BLVRA: variants seen among roughly 807,000 people sequenced by gnomAD.
BLVRA encodes the protein biliverdin reductase A, also known as BVR A.
In BLVRA, 22 loss-of-function variants were observed where a neutral mutation model predicts 32.8. The observed-to-expected ratio is 0.67, with a 90% confidence interval of 0.48 to 0.96. The LOEUF is 0.96. Ranked by LOEUF, BLVRA falls within the 40% of genes least tolerant of loss-of-function variation. BLVRA has a pLI of 0.00. For missense variants in BLVRA, 323 were observed against 358.1 expected (o/e 0.90, Z 0.79); for synonymous variants, 119 against 141.3 (o/e 0.84, Z 1.12).
At chr7:43,804,426 G>A (rs2095802002) in intron 7 of BLVRA, among the ~76,000 whole-genome samples, 1 of 150,552 alleles carries the variant, frequency 6.6e-6, no homozygotes, top group African/African-American at 2.4e-5. Context: ...GGGCAACAGA[G>A]CGAGACTCCT....
At chr7:43,768,398 C>T (rs1018181222) in intron 1 of BLVRA, among the ~76,000 whole-genome samples, 3 of 152,180 alleles carry the variant, frequency 2.0e-5, no homozygotes, top group Non-Finnish European at 4.4e-5. Flanking sequence ...GTCAAGGCCT[C>T]TGGCACAGCC....
rs1488614479 is a variant in BLVRA, at chr7:43,771,152, G to A, written c.-7G>A. 1.9e-6 allele frequency: 3 copies of A among 1,614,064 alleles called. No homozygotes were observed. Among genetic ancestry groups the A allele is most frequent in the Non-Finnish European group, 2.5e-6 (3 of 1,179,904 alleles). Reference sequence around the variant, plus strand: ...TGTCTTTACAGTGACCGAAGGAAGAGACCAAGATGAATGCAGAGGTGAGTT... The same window carrying A: ...TGTCTTTACAGTGACCGAAGGAAGAAACCAAGATGAATGCAGAGGTGAGTT... On this transcript the variant is annotated 5_prime_UTR_variant, in exon 2 of 8. Transcript: ENST00000265523.
chr7:43,790,472 A>C (rs2095784445), intron 3 of BLVRA, among the ~76,000 whole-genome samples: 1 of 151,788 alleles, frequency 6.6e-6, no homozygotes, highest in African/African-American at 2.4e-5. Flanking sequence ...CACACACACA[A>C]ACATGTGTGC....
At chr7:43,791,688 C>T in intron 4 of BLVRA, 1 of 312,064 alleles carries the variant, frequency 3.2e-6, no homozygotes. Context: ...TCCTTCTTCT[C>T]ACCAGACAGT....
Position 43,787,039 on chromosome 7 carries a change from C to T in BLVRA, c.13-865C>T, listed in dbSNP as rs996015970. Among the ~76,000 whole-genome samples the T allele has an allele frequency of 1.2e-4, 19 of 152,168 alleles. No homozygotes were observed. The highest frequency in any genetic ancestry group is 3.4e-3 in the Middle Eastern group (1 of 294). On this transcript the variant is annotated intron_variant, in intron 2 of 7. Transcript: ENST00000265523. This position sits in a 1 kb window ranked among gnomAD's most constrained non-coding sequence, Gnocchi z 4.5. ...CCAGGTTCAAGCAATTCTCCTGCCTCGGCCTCCTAAGTAGCTGGGATTACA... is the reference window on the plus strand; with the variant it reads ...CCAGGTTCAAGCAATTCTCCTGCCTTGGCCTCCTAAGTAGCTGGGATTACA...
chr7:43,783,746 C>T (rs2095773221), intron 2 of BLVRA, among the ~76,000 whole-genome samples: 1 of 152,148 alleles, frequency 6.6e-6, no homozygotes, highest in Admixed American at 6.5e-5. Context: ...GTTCTTCTCT[C>T]CCTCCTGCAA....
chr7:43,769,034 C>T (rs569724646), intron 1 of BLVRA, among the ~76,000 whole-genome samples: 47 of 151,590 alleles, frequency 3.1e-4, no homozygotes, highest in Non-Finnish European at 4.7e-4. Flanking sequence ...ACAGAGGTGA[C>T]GACATGTGAG....
intron 2 of BLVRA, among the ~76,000 whole-genome samples, chr7:43,779,059 C>A (rs1024333285): frequency 6.6e-6 from 1 of 152,232 alleles, no homozygotes; most frequent in Non-Finnish European, 1.5e-5. Context: ...CTGTCTGTCA[C>A]CCCTTTCTTT....
chr7:43,779,807 C>T (rs2095766606), intron 2 of BLVRA, among the ~76,000 whole-genome samples: 1 of 152,124 alleles, frequency 6.6e-6, no homozygotes, highest in Admixed American at 6.5e-5. Flanking sequence ...TCCTCTTAAC[C>T]TTGTAAGAAC....
rs571741345 is a variant in BLVRA at position 43,766,881 on chromosome 7, C to T, written c.-21-4257C>T. Among the ~76,000 whole-genome samples the T allele has an allele frequency of 2.6e-5, 4 of 152,276 alleles. No homozygotes were observed. In the South Asian group the frequency reaches 8.3e-4, roughly 32 times the overall value. The stretch of plus-strand genomic sequence containing the variant: ...GTGCAGTGGCTCATGCCTGCAGTCT[C>T]AGAACTTTGGGAGGCCGAGGCAGGA... On this transcript the variant is annotated intron_variant, in intron 1 of 7. Coordinates refer to ENST00000265523, the MANE Select transcript of BLVRA (RefSeq NM_000712.4).
At chr7:43,780,872 C>T (rs968864808) in intron 2 of BLVRA, among the ~76,000 whole-genome samples, 3 of 152,226 alleles carry the variant, frequency 2.0e-5, no homozygotes, top group South Asian at 4.1e-4. Flanking sequence ...GTAGGCTGGG[C>T]GCCGTGGCGC....
rs940431209 is a variant in BLVRA, at chr7:43,792,630, T to C, written c.255-85T>C. On this transcript the variant is annotated intron_variant, in intron 4 of 7. Coordinates refer to ENST00000265523, the MANE Select transcript of BLVRA (RefSeq NM_000712.4). The stretch of plus-strand genomic sequence containing the variant: ...ACACACAGAAACTCTCATGCCTTTA[T>C]AACATTCTGTTCTCTATTATGCAGA... The C allele has an allele frequency of 6.1e-6, 8 of 1,319,766 alleles. No individual in the cohort carries two copies. The South Asian group carries it at 6.2e-5, about 10-fold the overall frequency. 81.8% of individuals were successfully genotyped at this position (1,319,766 alleles called of 1,614,324 possible). A position where few individuals can be genotyped will look rare whatever the true frequency, so the allele number is the denominator to read the frequency against.
chr7:43,793,216 A>T (rs2095788101), intron 5 of BLVRA, among the ~76,000 whole-genome samples: 1 of 151,956 alleles, frequency 6.6e-6, no homozygotes, highest in African/African-American at 2.4e-5. Flanking sequence ...AAACAGGAAT[A>T]ACCATTTATT....
chr7:43,769,423 T>C (rs1026851072), intron 1 of BLVRA, among the ~76,000 whole-genome samples: 19 of 152,082 alleles, frequency 1.2e-4, no homozygotes, highest in African/African-American at 3.9e-4. Flanking sequence ...ACATTCTGCT[T>C]TTTGGAGTTT....
chr7:43,807,235 A>G lies in BLVRA; in HGVS notation c.891A>G (p.Ter297=), dbSNP rs148682394. ...AGAAATATTGCTGTTCAAGGAAGTA[A>G]GAGGAGGAGGTGATGTAGCACTTCC... The part of the protein sequence containing the change: ...EIQKYCCSRK[*] The change falls in exon 8 of 8, where the codon TAA becomes TAG. Residue 297 remains the stop codon, a stop_retained_variant. Coordinates refer to ENST00000265523, the MANE Select transcript of BLVRA (RefSeq NM_000712.4). The G allele has an allele frequency of 1.8e-4, 292 of 1,603,928 alleles. 3 individuals carry two copies. In the East Asian group the frequency reaches 5.7e-3, roughly 32 times the overall value.
intron 2 of BLVRA, among the ~76,000 whole-genome samples, chr7:43,781,565 G>C (rs537972522): frequency 1.3e-5 from 2 of 152,274 alleles, no homozygotes; most frequent in Non-Finnish European, 1.5e-5. Context: ...TTGAACTCCT[G>C]ACCTCAAGTG....
At chr7:43,769,183 A>G (rs185939675) in intron 1 of BLVRA, among the ~76,000 whole-genome samples, 75 of 151,836 alleles carry the variant, frequency 4.9e-4, no homozygotes, top group Admixed American at 2.4e-3. Context: ...GTATGCCACA[A>G]TGCCTGGCTA....
At chr7:43,766,680 CGGTGCATCTTATCGTAAGGGGGAGTTGAA>C (rs891756831) in intron 1 of BLVRA, among the ~76,000 whole-genome samples, 1 of 150,814 alleles carries the variant, frequency 6.6e-6, no homozygotes, top group African/African-American at 2.5e-5. Context: ...CCTCTCCTGA[CGGTGCATCTTATCGTAAGGGGGAGTTGAA>C]AGCAGAAGGG....
At chr7:43,796,551 T>C (rs2095793080) in intron 5 of BLVRA, among the ~76,000 whole-genome samples, 1 of 152,118 alleles carries the variant, frequency 6.6e-6, no homozygotes, top group Non-Finnish European at 1.5e-5. Context: ...ATATAAAAAA[T>C]TCACTCAAAT....
Sources: gnomAD v4.1 joint callset for allele counts (sites outside exome capture counted in the v4.1 genomes callset) on GRCh38, gnomAD v4.1.1 for gene constraint, Gnocchi (gnomAD v3.1) non-coding constraint, MANE v1.5 for transcripts, NCBI Gene and HGNC (gene_info 2026-07-23, HGNC 2026-07-21) for gene names.